The following LARP4B variants were observed in gnomAD, a reference collection of about 807,000 sequenced individuals.
The protein encoded by LARP4B is la-related protein 4B.
Under a neutral mutation model 89.8 loss-of-function variants are expected in LARP4B, and 12 were observed. That is an observed-to-expected ratio of 0.13 (90% CI 0.09 to 0.22). The LOEUF (loss-of-function observed/expected upper bound fraction) is 0.22, where lower values mean the gene tolerates loss of function less well. Ranked by LOEUF, LARP4B falls within the 10% of genes least tolerant of loss-of-function variation. The pLI is 1.00. For synonymous variants in LARP4B, 367 were observed against 363.3 expected, an observed-to-expected ratio of 1.01 and a Z score of -0.12; for missense variants, 757 against 947.7, an observed-to-expected ratio of 0.80 and a Z score of 2.64.
intron 7 of LARP4B, among the ~76,000 whole-genome samples, chr10:840,345 G>C (rs1381114317): frequency 6.6e-6 from 1 of 152,062 alleles, no homozygotes; most frequent in Non-Finnish European, 1.5e-5. Context: ...CTTCAATCCC[G>C]TTCATGCTTT....
At position 814,702 on chromosome 10, in the gene LARP4B, T is replaced by A; in HGVS notation, c.1929+40A>T. 6.4e-7 allele frequency: 1 copy of A among 1,561,068 alleles called. No homozygotes were observed. Among genetic ancestry groups the A allele is most frequent in the Non-Finnish European group, 8.7e-7 (1 of 1,152,056 alleles). On this transcript the variant is annotated intron_variant, in intron 17 of 17. Transcript: ENST00000316157. This position sits in a 1 kb window ranked among gnomAD's most constrained non-coding sequence, Gnocchi z 4.4. ...CGCAGCGTCTGTTCACACCAGAGCC[T>A]CGCGGCTGTCGTGCAGGAAGGCAGG...
the LARP4B span, chr10:988,254 C>G: frequency 4.0e-6 from 2 of 504,468 alleles, no homozygotes; most frequent in African/African-American, 2.0e-5. Flanking sequence ...CGGGCGTCCT[C>G]TCCTCTGTAC....
chr10:900,485 G>A (rs990093533), intron 1 of LARP4B, among the ~76,000 whole-genome samples: 1 of 114,188 alleles, frequency 8.8e-6, no homozygotes, highest in Non-Finnish European at 1.6e-5. Flanking sequence ...ACCCATGCTG[G>A]AGTGCAGTGG....
chr10:851,371 A>G (rs987041447), intron 5 of LARP4B, among the ~76,000 whole-genome samples: 1 of 152,006 alleles, frequency 6.6e-6, no homozygotes, highest in African/African-American at 2.4e-5. Context: ...TTTAGTAGAG[A>G]TGGCGTTTCA....
At chr10:964,002 C>A in the LARP4B span, among the ~76,000 whole-genome samples, 2 of 152,176 alleles carry the variant, frequency 1.3e-5, no homozygotes, top group East Asian at 3.8e-4. Flanking sequence ...TAAACAAGTT[C>A]TAAGGCCTAA....
the LARP4B span, chr10:942,407 G>A: frequency 9.1e-4 from 138 of 152,262 alleles, no homozygotes; most frequent in African/African-American, 3.3e-3. Context: ...TTTTTTCTCC[G>A]GAGTCAGATG....
At chr10:941,763 T>G in the LARP4B span, among the ~76,000 whole-genome samples, 1 of 152,066 alleles carries the variant, frequency 6.6e-6, no homozygotes, top group African/African-American at 2.4e-5. Flanking sequence ...TTTTGTCTTT[T>G]TTTGTTTGTT....
the LARP4B span, among the ~76,000 whole-genome samples, chr10:966,781 A>G: frequency 6.6e-6 from 1 of 152,210 alleles, no homozygotes; most frequent in Non-Finnish European, 1.5e-5. Context: ...TGGACCACAC[A>G]GAGAGAGGTA....
intron 3 of LARP4B, 31 bp from the exon 4 acceptor site, chr10:864,301 T>A (rs1395001320): frequency 5.6e-6 from 9 of 1,611,802 alleles, no homozygotes; most frequent in Non-Finnish European, 5.1e-6. Flanking sequence ...GACATTTGTA[T>A]CCAAATGTCA....
chr10:961,795 A>G, the LARP4B span, among the ~76,000 whole-genome samples: 2 of 152,218 alleles, frequency 1.3e-5, no homozygotes, highest in African/African-American at 4.8e-5. Flanking sequence ...CATTCCTGCC[A>G]GGACAGCACC....
At position 821,708 on chromosome 10, in the gene LARP4B, A is replaced by T. The variant is rs546971610; in HGVS notation, c.1485-863T>A. Reference sequence around the variant, plus strand: ...TTCCTTCATTTACAGAAAACCAAAAACTAGTCTTGCCTAAGATGGCCTAAC... The same window carrying T: ...TTCCTTCATTTACAGAAAACCAAAATCTAGTCTTGCCTAAGATGGCCTAAC... On this transcript the variant is annotated intron_variant, in intron 13 of 17. Transcript: ENST00000316157. 5.7e-4 allele frequency among the ~76,000 whole-genome samples: 87 copies of T among 152,334 alleles called. 1 individual carries two copies. The highest frequency in any genetic ancestry group is 2.5e-3 in the South Asian group (12 of 4,832).
chr10:897,568 A>G (rs1474330944), intron 1 of LARP4B, among the ~76,000 whole-genome samples: 1 of 152,234 alleles, frequency 6.6e-6, no homozygotes, highest in Non-Finnish European at 1.5e-5. Context: ...CTATCAAGAA[A>G]GTGAAAAGAT....
At chr10:865,956 G>C (rs1436380053) in intron 3 of LARP4B, among the ~76,000 whole-genome samples, 4 of 152,176 alleles carry the variant, frequency 2.6e-5, no homozygotes, top group Non-Finnish European at 5.9e-5. Flanking sequence ...ACAGGAGAAG[G>C]GCTGGAAAGG....
the LARP4B span, among the ~76,000 whole-genome samples, chr10:940,324 T>G: frequency 1.3e-5 from 2 of 151,574 alleles, no homozygotes; most frequent in Non-Finnish European, 2.9e-5. Flanking sequence ...GGCTTAATTT[T>G]TATATTTTTA....
chr10:839,837 T>A (rs1305645758), intron 7 of LARP4B, among the ~76,000 whole-genome samples: 3 of 152,192 alleles, frequency 2.0e-5, no homozygotes. Flanking sequence ...ACACGGAGAC[T>A]TTTACACAAG....
chr10:864,469 G>GTTT (rs1490396886), intron 3 of LARP4B, among the ~76,000 whole-genome samples, 199 bp from the exon 4 acceptor site: 1 of 150,044 alleles, frequency 6.7e-6, no homozygotes, highest in African/African-American at 2.5e-5. Flanking sequence ...TTCCCCCCAA[G>GTTT]TTTTAAGTTC....
Position 916,113 on chromosome 10 carries a change from T to G in LARP4B, c.-40+15315A>C, listed in dbSNP as rs180779292. On this transcript the variant is annotated intron_variant, in intron 1 of 17. Coordinates refer to ENST00000316157, the MANE Select transcript of LARP4B (RefSeq NM_015155.3). ...TGTTTAACTTTGGGTTATATTTGTG[T>G]GCATGGTATTAATGTGTGTTCCAAC... is the stretch of plus-strand genomic sequence containing the variant. Among the ~76,000 whole-genome samples the G allele has an allele frequency of 2.1e-3, 315 of 152,318 alleles. 2 individuals are homozygous for G. The highest frequency in any genetic ancestry group is 6.8e-3 in the Middle Eastern group (2 of 294).
chr10:870,020 C>G, intron 3 of LARP4B: 5 of 983,748 alleles, frequency 5.1e-6, no homozygotes, highest in Non-Finnish European at 6.0e-6. Flanking sequence ...TACGAACTGT[C>G]CGTCTCTATC....
chr10:847,432 A>C (rs147517694), intron 5 of LARP4B, among the ~76,000 whole-genome samples: 29 of 152,230 alleles, frequency 1.9e-4, no homozygotes, highest in African/African-American at 3.9e-4. Context: ...AACCACCAAG[A>C]AACCAAATAA....
Sources: gnomAD v4.1 joint callset for allele counts (sites outside exome capture counted in the v4.1 genomes callset) on GRCh38, gnomAD v4.1.1 for gene constraint, Gnocchi (gnomAD v3.1) non-coding constraint, MANE v1.5 for transcripts, NCBI Gene and HGNC (gene_info 2026-07-23, HGNC 2026-07-21) for gene names.